Variants in CACNB2 observed in about 807,000 individuals in gnomAD.
The protein encoded by CACNB2 is voltage-dependent L-type calcium channel subunit beta-2.
In CACNB2, 42 loss-of-function variants were observed where a neutral mutation model predicts 73.3. The observed-to-expected ratio is 0.57, with a 90% CI of 0.45 to 0.74. The LOEUF (loss-of-function observed/expected upper bound fraction) is 0.74. Ranked by LOEUF, CACNB2 falls within the 30% of genes least tolerant of loss-of-function variation. The pLI, the probability that CACNB2 is intolerant of heterozygous loss-of-function variation, is 0.00. For synonymous variants in CACNB2, 348 were observed against 310.3 expected, an observed-to-expected ratio of 1.12 and a Z score of -1.28; for missense variants, 940 against 853.0, an observed-to-expected ratio of 1.10 and a Z score of -1.27.
chr10:18,293,094 C>CT (rs1554786492), intron 2 of CACNB2, among the ~76,000 whole-genome samples: 1 of 152,014 alleles, frequency 6.6e-6, no homozygotes, highest in Non-Finnish European at 1.5e-5. Flanking sequence ...GTTATTGTGG[C>CT]TTTTTTCTGT....
chr10:18,201,104 A>G lies in CACNB2; in HGVS notation c.213+50129A>G, dbSNP rs563026615. Among the ~76,000 whole-genome samples, 7 of 152,234 alleles carry G rather than the reference A, an allele frequency of 4.6e-5. No individual in the cohort carries two copies. The South Asian group carries it at 1.2e-3, about 27-fold the overall frequency. ...GAGTTATATGTTTGTGTATTTCTTA[A>G]TAACTTACTACTGGGAACATTTTAT... On this transcript the variant is annotated intron_variant, in intron 2 of 13. Transcript: ENST00000324631.
At chr10:18,159,893 T>C (rs1047158612) in intron 2 of CACNB2, among the ~76,000 whole-genome samples, 1 of 152,218 alleles carries the variant, frequency 6.6e-6, no homozygotes, top group African/African-American at 2.4e-5. Flanking sequence ...TGATTTCCTG[T>C]AAATTTCTTT....
chr10:18,401,579 A>G lies in CACNB2; in HGVS notation c.214-345A>G, dbSNP rs145607803. Among the ~76,000 whole-genome samples, 647 of 152,244 alleles carry G rather than the reference A, an allele frequency of 4.2e-3. 5 individuals are homozygous for G. The highest frequency in any genetic ancestry group is 6.9e-3 in the Non-Finnish European group (468 of 68,022). On this transcript the variant is annotated intron_variant, in intron 2 of 13. Coordinates refer to ENST00000324631, the MANE Select transcript of CACNB2 (RefSeq NM_201596.3). ...TTCAAATACCTGCTTTAGCATGTAGATTGTTCTTGAAGCTATCCTTGAAAC... is the reference window on the plus strand; with the variant it reads ...TTCAAATACCTGCTTTAGCATGTAGGTTGTTCTTGAAGCTATCCTTGAAAC...
At chr10:18,509,220 A>G (rs2050638871) in intron 6 of CACNB2, among the ~76,000 whole-genome samples, 1 of 152,236 alleles carries the variant, frequency 6.6e-6, no homozygotes, top group African/African-American at 2.4e-5. Flanking sequence ...CAACTGCTCC[A>G]ACTATCAAGT....
At chr10:18,489,904 G>A (rs915201297) in intron 3 of CACNB2, among the ~76,000 whole-genome samples, 3 of 151,910 alleles carry the variant, frequency 2.0e-5, no homozygotes, top group Admixed American at 6.6e-5. Flanking sequence ...TTGAGACAGG[G>A]TCTCTCTCTG....
chr10:18,515,926 G>A (rs1487452012), intron 7 of CACNB2, among the ~76,000 whole-genome samples: 1 of 152,158 alleles, frequency 6.6e-6, no homozygotes, highest in South Asian at 2.1e-4. Context: ...TAAATAATTT[G>A]AGCAGGCAGG....
At chr10:18,424,782 C>A (rs1223035806) in intron 3 of CACNB2, among the ~76,000 whole-genome samples, 1 of 152,156 alleles carries the variant, frequency 6.6e-6, no homozygotes, top group Non-Finnish European at 1.5e-5. Context: ...GTGTAAAATT[C>A]ATTCTTGTTG....
intron 3 of CACNB2, among the ~76,000 whole-genome samples, chr10:18,423,158 T>TTAGGA (rs2045419526): frequency 6.6e-6 from 1 of 152,248 alleles, no homozygotes; most frequent in Non-Finnish European, 1.5e-5. Context: ...TTTTATGGGG[T>TTAGGA]TATGTCTTGT....
intron 2 of CACNB2, among the ~76,000 whole-genome samples, chr10:18,185,161 G>C (rs1196010891): frequency 6.6e-6 from 1 of 152,048 alleles, no homozygotes; most frequent in Non-Finnish European, 1.5e-5. Context: ...TGGTGACCTT[G>C]ACGGTTTTGA....
chr10:18,218,367 C>A (rs371539493), intron 2 of CACNB2, among the ~76,000 whole-genome samples: 1 of 152,138 alleles, frequency 6.6e-6, no homozygotes, highest in Non-Finnish European at 1.5e-5. Flanking sequence ...GAATTCCATA[C>A]AATTTATTTG....
chr10:18,354,256 G>C (rs961237934), intron 2 of CACNB2, among the ~76,000 whole-genome samples: 18 of 152,148 alleles, frequency 1.2e-4, no homozygotes, highest in African/African-American at 4.3e-4. Flanking sequence ...CACTTGTTAA[G>C]TGTTAGCTCC....
Position 18,534,243 on chromosome 10 carries a change from ACTGTTTG to A in CACNB2, c.1206+19_1206+25del, listed in dbSNP as rs1438766433. The A allele has an allele frequency of 1.2e-6, 2 of 1,603,824 alleles. No homozygotes were observed. The highest frequency in any genetic ancestry group is 2.7e-5 in the African/African-American group (2 of 74,738). On this transcript the variant is annotated intron_variant, in intron 11 of 13. Coordinates refer to ENST00000324631, the MANE Select transcript of CACNB2 (RefSeq NM_201596.3). ...TTCTCCTAAGGTAAGTAGGACTGCT[ACTGTTTG>A]CTCTATAATCAAACTTTCCTAAAAT...
At chr10:18,174,847 TCCCTCAA>T (rs1239167385) in intron 2 of CACNB2, among the ~76,000 whole-genome samples, 4 of 152,120 alleles carry the variant, frequency 2.6e-5, no homozygotes, top group African/African-American at 9.7e-5. Flanking sequence ...TTTACAGTTT[TCCCTCAA>T]CTAAAAAAAA....
intron 2 of CACNB2, among the ~76,000 whole-genome samples, chr10:18,332,558 T>C (rs544625756): frequency 6.6e-6 from 1 of 152,282 alleles, no homozygotes; most frequent in East Asian, 1.9e-4. Flanking sequence ...ACAGAATAAG[T>C]ATTCTTTCAG....
chr10:18,229,660 T>C (rs2036150450), intron 2 of CACNB2, among the ~76,000 whole-genome samples: 1 of 152,194 alleles, frequency 6.6e-6, no homozygotes, highest in South Asian at 2.1e-4. Flanking sequence ...GTAGGTATCA[T>C]ATTTGTTAAA....
intron 2 of CACNB2, among the ~76,000 whole-genome samples, chr10:18,320,509 G>A (rs2040362227): frequency 2.6e-5 from 4 of 152,104 alleles, no homozygotes; most frequent in African/African-American, 4.8e-5. Flanking sequence ...AAAAAGACAC[G>A]ATTATTAGAG....
At chr10:18,179,301 G>A (rs945210415) in intron 2 of CACNB2, among the ~76,000 whole-genome samples, 16 of 152,166 alleles carry the variant, frequency 1.1e-4, no homozygotes, top group African/African-American at 3.6e-4. Flanking sequence ...ATTGTTGTAG[G>A]GAGGTGATAG....
In CACNB2 at chr10:18,327,884, G is replaced by A. The variant is rs576247864; in HGVS notation, c.214-74040G>A. 3.3e-5 allele frequency among the ~76,000 whole-genome samples: 5 copies of A among 152,236 alleles called. No individual in the cohort carries two copies. The South Asian group carries it at 1.0e-3, about 32-fold the overall frequency. ...TGAGGGTTGGGGGGTGTCCTGGCAG[G>A]GCTAGTTCAAGACTTCAGGGCAAGG... On this transcript the variant is annotated intron_variant, in intron 2 of 13. Coordinates refer to ENST00000324631, the MANE Select transcript of CACNB2 (RefSeq NM_201596.3).
intron 2 of CACNB2, among the ~76,000 whole-genome samples, chr10:18,229,110 C>G (rs1400212663): frequency 6.6e-6 from 1 of 152,124 alleles, no homozygotes; most frequent in African/African-American, 2.4e-5. Context: ...GCAAGATAAA[C>G]TATCTGAACT....
Sources: allele counts gnomAD v4.1 joint callset (sites outside exome capture counted in the v4.1 genomes callset), GRCh38; gene constraint gnomAD v4.1.1; transcripts MANE v1.5; gene names NCBI Gene and HGNC (gene_info 2026-07-23, HGNC 2026-07-21).